The following KCNQ5 variants were observed in gnomAD, a reference collection of about 807,000 sequenced individuals.
The protein encoded by KCNQ5 is potassium voltage-gated channel subfamily Q member 5.
KCNQ5 carries 30 observed loss-of-function variants against 98.2 expected under a neutral mutation model. The ratio of observed to expected loss-of-function variants is 0.31; its 90% CI spans 0.23 to 0.41. The LOEUF (loss-of-function observed/expected upper bound fraction) is 0.41. Among genes scored for constraint, KCNQ5 ranks in the 10% least tolerant of loss-of-function variants. The pLI, the probability that KCNQ5 is intolerant of heterozygous loss-of-function variation, is 1.00. For synonymous variants in KCNQ5, 458 were observed against 449.4 expected (o/e 1.02, Z -0.24); for missense variants, 835 against 1,182.5 (o/e 0.71, Z 4.31).
At chr6:72,895,655 A>T (rs1478752562) in intron 1 of KCNQ5, among the ~76,000 whole-genome samples, 1 of 149,576 alleles carries the variant, frequency 6.7e-6, no homozygotes, top group Non-Finnish European at 1.5e-5. Flanking sequence ...TATATTCAAC[A>T]TATATATTAT....
chr6:72,751,205 A>G (rs1168198039), intron 1 of KCNQ5, among the ~76,000 whole-genome samples: 1 of 152,002 alleles, frequency 6.6e-6, no homozygotes, highest in African/African-American at 2.4e-5. Flanking sequence ...TTATTGAAAT[A>G]CTGAAAGGCA....
intron 9 of KCNQ5, 107 bp downstream of exon 9, chr6:73,124,619 T>A: frequency 9.9e-7 from 1 of 1,011,702 alleles, no homozygotes; most frequent in Non-Finnish European, 1.6e-6. Flanking sequence ...ACAAGATGAT[T>A]AAAAGTGACC....
intron 1 of KCNQ5, among the ~76,000 whole-genome samples, chr6:72,906,665 T>C (rs1041723481): frequency 6.6e-6 from 1 of 152,224 alleles, no homozygotes; most frequent in Admixed American, 6.5e-5. Context: ...ACTAGGCCTT[T>C]AGTTTCCCCA....
At chr6:72,854,757 T>TC (rs1298731217) in intron 1 of KCNQ5, among the ~76,000 whole-genome samples, 2 of 80,486 alleles carry the variant, frequency 2.5e-5, no homozygotes, top group Non-Finnish European at 5.8e-5. Flanking sequence ...CACACCATGG[T>TC]TTGTGTGTGT....
intron 2 of KCNQ5, among the ~76,000 whole-genome samples, chr6:73,036,385 C>CAAAAA (rs70994156): frequency 7.3e-4 from 57 of 78,534 alleles, no homozygotes; most frequent in African/African-American, 3.2e-3. Flanking sequence ...GACTCTGTCT[C>CAAAAA]AAAAAAAAAA....
intron 9 of KCNQ5, 114 bp from the exon 10 acceptor site, chr6:73,133,307 G>A (rs1562198203): frequency 4.6e-6 from 4 of 870,908 alleles, no homozygotes; most frequent in Non-Finnish European, 7.1e-6. Context: ...CCTACGTGCT[G>A]AAAACATCTT....
At chr6:72,637,242 A>C (rs553346296) in intron 1 of KCNQ5, among the ~76,000 whole-genome samples, 1 of 122,306 alleles carries the variant, frequency 8.2e-6, no homozygotes, top group African/African-American at 2.6e-5. Context: ...AACAGTATAA[A>C]CCAAAAGTTG....
intron 1 of KCNQ5, among the ~76,000 whole-genome samples, chr6:72,762,436 G>C (rs540725735): frequency 6.6e-6 from 1 of 151,912 alleles, no homozygotes; most frequent in South Asian, 2.1e-4. Flanking sequence ...AATAGAATAC[G>C]TTTTAAGTTT....
At chr6:73,029,759 C>G (rs974183497) in intron 2 of KCNQ5, among the ~76,000 whole-genome samples, 2 of 151,652 alleles carry the variant, frequency 1.3e-5, no homozygotes, top group Non-Finnish European at 2.9e-5. Flanking sequence ...CGGTGAAACC[C>G]CGCCTCTACT....
chr6:72,626,485 T>C (rs1284456449), intron 1 of KCNQ5, among the ~76,000 whole-genome samples: 1 of 152,230 alleles, frequency 6.6e-6, no homozygotes, highest in Non-Finnish European at 1.5e-5. Flanking sequence ...ATCTGTTGGA[T>C]AGATTCTGAT....
At chr6:72,802,666 A>G (rs1774723249) in intron 1 of KCNQ5, among the ~76,000 whole-genome samples, 1 of 152,114 alleles carries the variant, frequency 6.6e-6, no homozygotes, top group South Asian at 2.1e-4. Context: ...TTCTGAATCA[A>G]AGTAGTTGGT....
intron 1 of KCNQ5, among the ~76,000 whole-genome samples, chr6:72,679,831 A>C (rs919080771): frequency 2.0e-5 from 3 of 152,194 alleles, no homozygotes; most frequent in African/African-American, 7.2e-5. Flanking sequence ...CTAGGTCAGG[A>C]GTTCGAGACC....
At chr6:73,002,456 A>C (rs1769624299) in intron 1 of KCNQ5, among the ~76,000 whole-genome samples, 1 of 152,232 alleles carries the variant, frequency 6.6e-6, no homozygotes, top group African/African-American at 2.4e-5. Flanking sequence ...ATTTTATTCC[A>C]TAAATTTCTG....
intron 1 of KCNQ5, among the ~76,000 whole-genome samples, chr6:72,641,362 T>C (rs574403478): frequency 1.3e-5 from 2 of 152,266 alleles, no homozygotes; most frequent in South Asian, 2.1e-4. Context: ...TTACACTTGG[T>C]AAATTCATTA....
intron 1 of KCNQ5, among the ~76,000 whole-genome samples, chr6:72,756,681 G>A (rs887191973): frequency 6.6e-6 from 1 of 152,064 alleles, no homozygotes; most frequent in Non-Finnish European, 1.5e-5. Flanking sequence ...ATTTGGGGGT[G>A]ATGGTATCTG....
At chr6:73,045,700 G>A (rs546965926) in intron 3 of KCNQ5, among the ~76,000 whole-genome samples, 3 of 152,224 alleles carry the variant, frequency 2.0e-5, no homozygotes, top group Admixed American at 6.5e-5. Flanking sequence ...CCCAAAAATT[G>A]CAAATAGACC....
chr6:72,957,455 GT>G (rs1479463558), intron 1 of KCNQ5, among the ~76,000 whole-genome samples: 1 of 152,052 alleles, frequency 6.6e-6, no homozygotes, highest in Non-Finnish European at 1.5e-5. Context: ...ACAGGCATGA[GT>G]CCCTGCACCC....
intron 10 of KCNQ5, among the ~76,000 whole-genome samples, chr6:73,138,345 G>T (rs1378321119): frequency 6.6e-6 from 1 of 152,190 alleles, no homozygotes; most frequent in Non-Finnish European, 1.5e-5. Flanking sequence ...AAAATCTTCG[G>T]ATTTCTGGTG....
chr6:72,651,963 C>T (rs1765897493), intron 1 of KCNQ5, among the ~76,000 whole-genome samples: 2 of 151,934 alleles, frequency 1.3e-5, no homozygotes, highest in Admixed American at 1.3e-4. Context: ...ATATTTTATT[C>T]ATGAATTACA....
Sources: allele counts gnomAD v4.1 joint callset (sites outside exome capture counted in the v4.1 genomes callset), GRCh38; gene constraint gnomAD v4.1.1; transcripts MANE v1.5; gene names NCBI Gene and HGNC (gene_info 2026-07-23, HGNC 2026-07-21).